The following PRKCE variants were observed in gnomAD, a reference collection of about 807,000 sequenced individuals.
PRKCE encodes the protein protein kinase C epsilon.
A neutral mutation model predicts 85.4 loss-of-function variants in PRKCE; 16 were observed. That is an observed-to-expected ratio of 0.19 (90% CI 0.13 to 0.28). The LOEUF is 0.28. Among genes scored for constraint, PRKCE ranks in the 10% least tolerant of loss-of-function variants. PRKCE has a pLI of 1.00. For missense variants in PRKCE, 573 were observed against 975.2 expected (o/e 0.59, Z 5.49); for synonymous variants, 388 against 371.5 (o/e 1.04, Z -0.51).
chr2:45,673,830 A>G (rs947785616), intron 1 of PRKCE, among the ~76,000 whole-genome samples: 1 of 152,190 alleles, frequency 6.6e-6, no homozygotes, highest in Non-Finnish European at 1.5e-5. Flanking sequence ...AGTGAGTGAC[A>G]TTTATAAAGC....
chr2:45,761,304 G>A (rs1487452716), intron 1 of PRKCE, among the ~76,000 whole-genome samples: 5 of 130,994 alleles, frequency 3.8e-5, no homozygotes, highest in South Asian at 2.6e-4. Flanking sequence ...TCCAGCCTGG[G>A]CGACAGAGCG....
At chr2:45,968,806 G>C (rs1701906881) in intron 2 of PRKCE, among the ~76,000 whole-genome samples, 1 of 152,066 alleles carries the variant, frequency 6.6e-6, no homozygotes, top group Admixed American at 6.6e-5. Flanking sequence ...CAGTGGAGCA[G>C]TGAAAACTTC....
chr2:45,839,207 A>G (rs1044974571), intron 1 of PRKCE, among the ~76,000 whole-genome samples: 1 of 152,104 alleles, frequency 6.6e-6, no homozygotes, highest in Non-Finnish European at 1.5e-5. Context: ...ATGACAACCC[A>G]TTTCACGGAT....
At chr2:45,898,955 T>G (rs1696361584) in intron 2 of PRKCE, among the ~76,000 whole-genome samples, 1 of 152,192 alleles carries the variant, frequency 6.6e-6, no homozygotes, top group Non-Finnish European at 1.5e-5. Context: ...CAGCCCCCAA[T>G]CTTCTTAGCT....
At chr2:46,073,351 A>G (rs1668241410) in intron 10 of PRKCE, 3 of 152,226 alleles carry the variant, frequency 2.0e-5, no homozygotes. Context: ...GACACAGACC[A>G]AATCTCCTTC....
At chr2:46,050,742 CT>C (rs368220425) in intron 10 of PRKCE, among the ~76,000 whole-genome samples, 278 of 152,318 alleles carry the variant, frequency 1.8e-3, no homozygotes, top group African/African-American at 6.5e-3. Context: ...CCTTTGATTT[CT>C]TTTTTCCCCC....
intron 10 of PRKCE, among the ~76,000 whole-genome samples, chr2:46,060,778 T>TC (rs1667039562): frequency 1.3e-5 from 2 of 149,356 alleles, no homozygotes; most frequent in African/African-American, 2.5e-5. Context: ...TTTTTTGTTT[T>TC]TGAGACAGAG....
rs1374991576 is a variant in PRKCE, at chr2:46,184,102, T to C, written c.2068-633T>C. On this transcript the variant is annotated intron_variant, in intron 14 of 14. Transcript: ENST00000306156. The surrounding 1 kb of genome is among the most constrained non-coding windows in gnomAD (Gnocchi z 5.0). ...CTGGGGAACTGCTGGGAACTCAAAG[T>C]TGAACAAGACAAGGTCTCTGCCTTT... 6.6e-6 allele frequency among the ~76,000 whole-genome samples: 1 copy of C among 152,194 alleles called. No homozygotes were observed. Among genetic ancestry groups the C allele is most frequent in the Non-Finnish European group, 1.5e-5 (1 of 68,038 alleles).
intron 10 of PRKCE, among the ~76,000 whole-genome samples, chr2:46,012,714 A>G (rs989748715): frequency 2.6e-5 from 4 of 152,218 alleles, no homozygotes; most frequent in Non-Finnish European, 5.9e-5. Flanking sequence ...GCCACGTTGA[A>G]GGTCAGCTTG....
At chr2:45,986,602 T>C (rs1414350252) in intron 6 of PRKCE, among the ~76,000 whole-genome samples, 1 of 152,038 alleles carries the variant, frequency 6.6e-6, no homozygotes, top group Non-Finnish European at 1.5e-5. Context: ...TGCAAGGAGA[T>C]TCCCCTTATT....
chr2:46,086,542 A>G (rs909672365), intron 11 of PRKCE, among the ~76,000 whole-genome samples, 180 bp downstream of exon 11: 4 of 152,180 alleles, frequency 2.6e-5, no homozygotes, highest in African/African-American at 9.7e-5. Flanking sequence ...GAATGTTAGT[A>G]TTTGAATGGC....
In PRKCE at chr2:46,097,519, C is replaced by CAAAAAA. The variant is rs66634467; in HGVS notation, c.1592+11170_1592+11175dup. On this transcript the variant is annotated intron_variant, in intron 11 of 14. Transcript: ENST00000306156. ...TGGGAGACAGAGCGAGACTCCGTCT[C>CAAAAAA]AAAAAAAAAAAAAAAAAAGCTGTGA... Among the ~76,000 whole-genome samples, 206 of 94,084 alleles carry CAAAAAA rather than the reference C, an allele frequency of 2.2e-3. 3 individuals are homozygous for CAAAAAA. The highest frequency in any genetic ancestry group is 3.1e-3 in the Non-Finnish European group (143 of 45,792). 61.7% of individuals were successfully genotyped at this position (94,084 alleles called of 152,430 possible).
At chr2:46,180,058 C>T (rs907790311) in intron 14 of PRKCE, among the ~76,000 whole-genome samples, 7 of 152,198 alleles carry the variant, frequency 4.6e-5, no homozygotes, top group Admixed American at 4.6e-4. Context: ...AACCCAGTCT[C>T]TGCCTGCAAG....
At position 45,680,594 on chromosome 2, in the gene PRKCE, C is replaced by T. The variant is rs145347017; in HGVS notation, c.348+28146C>T. Among the ~76,000 whole-genome samples, 315 of 152,262 alleles carry T rather than the reference C, an allele frequency of 2.1e-3. 1 individual carries two copies. The highest frequency in any genetic ancestry group is 7.2e-3 in the African/African-American group (299 of 41,540). On this transcript the variant is annotated intron_variant, in intron 1 of 14. Coordinates refer to ENST00000306156, the MANE Select transcript of PRKCE (RefSeq NM_005400.3). ...AAAAACAGGCTTGATAAAGGCCAGC[C>T]GACTTCTGCCAGTAGGCTAAAACTC...
chr2:46,069,555 G>A (rs771364841), intron 10 of PRKCE, among the ~76,000 whole-genome samples: 3 of 152,034 alleles, frequency 2.0e-5, no homozygotes, highest in Admixed American at 6.6e-5. Flanking sequence ...CATTTATCTA[G>A]CACTTATCAG....
chr2:46,044,815 T>C (rs1364459509), intron 10 of PRKCE, among the ~76,000 whole-genome samples: 2 of 152,220 alleles, frequency 1.3e-5, no homozygotes, highest in Non-Finnish European at 2.9e-5. Context: ...GAGCTGTGGA[T>C]CCACTCTGTG....
chr2:45,732,824 G>T (rs1277589691), intron 1 of PRKCE, among the ~76,000 whole-genome samples: 1 of 152,204 alleles, frequency 6.6e-6, no homozygotes, highest in Admixed American at 6.5e-5. Context: ...ACCGACATGA[G>T]TGAACTGTTT....
At position 45,984,729 on chromosome 2, in the gene PRKCE, G is replaced by T. The variant is rs776068720; in HGVS notation, c.823+49G>T. On this transcript the variant is annotated intron_variant, in intron 6 of 14. Coordinates refer to ENST00000306156, the MANE Select transcript of PRKCE (RefSeq NM_005400.3). ...TCAGCCCCTGCATGTCCCCTTCCTTGCTGCCTGCCCCCATCCCTGCTTTAT... is the reference window on the plus strand; with the variant it reads ...TCAGCCCCTGCATGTCCCCTTCCTTTCTGCCTGCCCCCATCCCTGCTTTAT... 5 of 1,569,918 alleles carry T rather than the reference G, an allele frequency of 3.2e-6. No homozygotes were observed. In the Admixed American group the frequency reaches 8.5e-5, roughly 27 times the overall value.
At chr2:46,056,707 G>A (rs1343716264) in intron 10 of PRKCE, among the ~76,000 whole-genome samples, 1 of 152,114 alleles carries the variant, frequency 6.6e-6, no homozygotes, top group Admixed American at 6.5e-5. Context: ...GTTAGATTTT[G>A]CCATCATCAT....
Sources: gnomAD v4.1 joint callset for allele counts (sites outside exome capture counted in the v4.1 genomes callset) on GRCh38, gnomAD v4.1.1 for gene constraint, Gnocchi (gnomAD v3.1) non-coding constraint, MANE v1.5 for transcripts, NCBI Gene and HGNC (gene_info 2026-07-23, HGNC 2026-07-21) for gene names.